PTPRE: variants seen among roughly 807,000 people sequenced by gnomAD.
PTPRE encodes protein tyrosine phosphatase receptor type E, also known as receptor-type tyrosine-protein phosphatase epsilon.
In PTPRE, 51 loss-of-function variants were observed where a neutral mutation model predicts 102.0. The ratio of observed to expected loss-of-function variants is 0.50; its 90% CI spans 0.40 to 0.63. PTPRE has a LOEUF of 0.63. PTPRE is among the 30% of genes least tolerant of loss of function. The pLI is 0.00. For synonymous variants in PTPRE, 345 were observed against 348.2 expected, an observed-to-expected ratio of 0.99 and a Z score of 0.10; for missense variants, 752 against 915.1, an observed-to-expected ratio of 0.82 and a Z score of 2.30.
At position 128,077,618 on chromosome 10, in the gene PTPRE, C is replaced by T; in HGVS notation, c.1727C>T (p.Pro576Leu). The T allele has an allele frequency of 1.9e-6, 3 of 1,604,192 alleles. No individual in the cohort carries two copies. Among genetic ancestry groups the T allele is most frequent in the Non-Finnish European group, 2.6e-6 (3 of 1,172,792 alleles). The part of the protein sequence containing the change: ...IRDFLVTLNQ[P>L]QARQEEQVRV... Reference sequence around the variant, plus strand: ...TGAGACCCCCTCTCCTCCCTGCAGCCCCAGGCCCGCCAGGAGGAGCAGGTC... The same window carrying T: ...TGAGACCCCCTCTCCTCCCTGCAGCTCCAGGCCCGCCAGGAGGAGCAGGTC... Residue 576 changes from proline to leucine, a missense_variant and splice_region_variant, in exon 19 of 21, where the codon CCC (proline) becomes CTC (leucine). Coordinates refer to ENST00000254667, the MANE Select transcript of PTPRE (RefSeq NM_006504.6).
At chr10:128,006,671 C>A (rs1854580186) in intron 2 of PTPRE, among the ~76,000 whole-genome samples, 1 of 152,208 alleles carries the variant, frequency 6.6e-6, no homozygotes, top group South Asian at 2.1e-4. Context: ...CTCTGCCAGA[C>A]CTGGGGTACA....
chr10:127,958,022 T>A (rs1849528616), intron 1 of PTPRE, among the ~76,000 whole-genome samples: 1 of 152,258 alleles, frequency 6.6e-6, no homozygotes, highest in Non-Finnish European at 1.5e-5. Flanking sequence ...AGTGACTAAC[T>A]TTTTGTATTA....
At chr10:128,077,982 C>T (rs763289601) in intron 19 of PTPRE, among the ~76,000 whole-genome samples, 199 bp downstream of exon 19, 1 of 152,338 alleles carries the variant, frequency 6.6e-6, no homozygotes, top group South Asian at 2.1e-4. Flanking sequence ...ACATAAGATG[C>T]ATGTGTGTCA....
intron 17 of PTPRE, among the ~76,000 whole-genome samples, chr10:128,075,981 A>G (rs1469505031): frequency 1.3e-5 from 2 of 152,296 alleles, no homozygotes; most frequent in African/African-American, 2.4e-5. Context: ...TCTTATTGCA[A>G]TCTGTGGCGT....
intron 1 of PTPRE, among the ~76,000 whole-genome samples, chr10:127,918,936 T>C (rs1186590501): frequency 6.6e-6 from 1 of 152,188 alleles, no homozygotes; most frequent in South Asian, 2.1e-4. Flanking sequence ...TGGGGCCTCC[T>C]TGGGCTGGAA....
At chr10:128,012,049 A>C (rs1252254148) in intron 2 of PTPRE, among the ~76,000 whole-genome samples, 1 of 152,032 alleles carries the variant, frequency 6.6e-6, no homozygotes, top group East Asian at 1.9e-4. Context: ...GCTCAGAGTG[A>C]CAAGATTGTG....
chr10:128,002,113 G>A (rs990108572), intron 2 of PTPRE, among the ~76,000 whole-genome samples: 6 of 152,196 alleles, frequency 3.9e-5, no homozygotes, highest in African/African-American at 1.2e-4. Context: ...CAGTTGTGGG[G>A]ACCTCCGGGG....
At chr10:127,917,690 T>C (rs1018559763) in intron 1 of PTPRE, among the ~76,000 whole-genome samples, 3 of 151,950 alleles carry the variant, frequency 2.0e-5, no homozygotes, top group Non-Finnish European at 4.4e-5. Flanking sequence ...ATTTTGAAAA[T>C]TGGGTTACAC....
chr10:128,055,465 G>A (rs756691707), intron 6 of PTPRE, among the ~76,000 whole-genome samples: 1 of 152,248 alleles, frequency 6.6e-6, no homozygotes, highest in Non-Finnish European at 1.5e-5. Context: ...TCCCAAAGAC[G>A]TGTGCACTGA....
At chr10:128,041,054 GAGGGTGATAA>G in intron 3 of PTPRE, 64 bp downstream of exon 3, 1 of 1,414,578 alleles carries the variant, frequency 7.1e-7, no homozygotes, top group African/African-American at 1.4e-5. Context: ...GGACCATTCA[GAGGGTGATAA>G]AGGGGCTTAG....
At chr10:128,001,371 A>G (rs1365572992) in intron 2 of PTPRE, among the ~76,000 whole-genome samples, 6 of 152,230 alleles carry the variant, frequency 3.9e-5, no homozygotes, top group African/African-American at 9.6e-5. Context: ...TAGTAAGTAA[A>G]GTGTAGGCAC....
At chr10:127,964,923 C>T (rs1274068742) in intron 1 of PTPRE, 1 of 453,600 alleles carries the variant, frequency 2.2e-6, no homozygotes, top group South Asian at 1.6e-5. Flanking sequence ...AGGGAGTTCC[C>T]TGGACCCCAC....
At chr10:128,036,791 G>A (rs909953275) in intron 2 of PTPRE, among the ~76,000 whole-genome samples, 3 of 152,068 alleles carry the variant, frequency 2.0e-5, no homozygotes, top group Admixed American at 6.6e-5. Flanking sequence ...AGACCAATAC[G>A]TCTCAAATAT....
At chr10:127,987,899 T>C (rs1267392088) in intron 2 of PTPRE, among the ~76,000 whole-genome samples, 1 of 152,224 alleles carries the variant, frequency 6.6e-6, no homozygotes, top group Non-Finnish European at 1.5e-5. Flanking sequence ...TGCAGGCCAA[T>C]GAGCAGGTCT....
At chr10:128,065,590 A>G (rs1286217833) in intron 10 of PTPRE, among the ~76,000 whole-genome samples, 1 of 152,210 alleles carries the variant, frequency 6.6e-6, no homozygotes, top group Admixed American at 6.5e-5. Flanking sequence ...TCATAGGTTC[A>G]TCACTCTTGA....
chr10:128,077,849 G>A (rs1851357413), intron 19 of PTPRE, 66 bp downstream of exon 19: 5 of 1,516,910 alleles, frequency 3.3e-6, no homozygotes, highest in Non-Finnish European at 4.5e-6. Flanking sequence ...AGTACCCGCA[G>A]CTGTGGGCAG....
intron 2 of PTPRE, among the ~76,000 whole-genome samples, chr10:128,014,917 A>C (rs1324125214): frequency 6.6e-6 from 1 of 152,162 alleles, no homozygotes; most frequent in Non-Finnish European, 1.5e-5. Flanking sequence ...GGTGGGGGCC[A>C]TGCTGACACT....
intron 20 of PTPRE, 95 bp from the exon 21 acceptor site, chr10:128,082,735 TCA>T (rs1403596091): frequency 1.8e-5 from 24 of 1,363,266 alleles, no homozygotes; most frequent in Non-Finnish European, 2.4e-5. Context: ...TAATGAATAG[TCA>T]CACTTATTTA....
intron 2 of PTPRE, among the ~76,000 whole-genome samples, chr10:128,023,150 T>C (rs1846041870): frequency 1.3e-5 from 2 of 151,484 alleles, no homozygotes; most frequent in African/African-American, 4.8e-5. Flanking sequence ...TCCATGACAG[T>C]ATATTGTTAG....
Sources: gnomAD v4.1 joint callset for allele counts (sites outside exome capture counted in the v4.1 genomes callset) on GRCh38, gnomAD v4.1.1 for gene constraint, MANE v1.5 for transcripts, NCBI Gene and HGNC (gene_info 2026-07-23, HGNC 2026-07-21) for gene names.